Variants in GALNT13 observed in about 807,000 individuals in gnomAD.
GALNT13 encodes the protein UDP-GalNAc:polypeptide N-acetylgalactosaminyltransferase 13.
In GALNT13, 28 loss-of-function variants were observed where a neutral mutation model predicts 64.2. The observed-to-expected ratio is 0.44, with a 90% CI of 0.32 to 0.60. The LOEUF is 0.60. Among genes scored for constraint, GALNT13 ranks in the 20% least tolerant of loss-of-function variants. GALNT13 has a pLI of 0.05. For missense variants in GALNT13, 577 were observed against 669.8 expected, an observed-to-expected ratio of 0.86 and a Z score of 1.53; for synonymous variants, 214 against 224.6, an observed-to-expected ratio of 0.95 and a Z score of 0.42.
the GALNT13 span, among the ~76,000 whole-genome samples, chr2:153,566,309 T>G: frequency 6.6e-6 from 1 of 151,528 alleles, no homozygotes; most frequent in East Asian, 1.9e-4. Context: ...ATTAGATGTT[T>G]GTTGCATGTT....
chr2:153,695,144 T>G, the GALNT13 span, among the ~76,000 whole-genome samples: 684 of 152,280 alleles, frequency 4.5e-3, 6 homozygotes, highest in African/African-American at 0.016. Context: ...TATTGCCTAC[T>G]GGGGAAGCTC....
chr2:153,087,671 T>C, the GALNT13 span, among the ~76,000 whole-genome samples: 24 of 152,086 alleles, frequency 1.6e-4, no homozygotes, highest in African/African-American at 5.3e-4. Context: ...CTGTTCAGTG[T>C]TTTTATTCCT....
intron 4 of GALNT13, among the ~76,000 whole-genome samples, chr2:154,205,340 G>A (rs572449907): frequency 6.6e-6 from 1 of 152,194 alleles, no homozygotes; most frequent in East Asian, 1.9e-4. Flanking sequence ...CTCTAACTGT[G>A]GAACTAGTAG....
chr2:154,013,100 G>A (rs1696756550), intron 3 of GALNT13, among the ~76,000 whole-genome samples: 1 of 148,278 alleles, frequency 6.7e-6, no homozygotes, highest in Non-Finnish European at 1.5e-5. Flanking sequence ...TCTAGTATGG[G>A]CATTTGGAGG....
chr2:153,175,196 T>G, the GALNT13 span, among the ~76,000 whole-genome samples: 1 of 152,200 alleles, frequency 6.6e-6, no homozygotes, highest in Non-Finnish European at 1.5e-5. Flanking sequence ...ATTCCTTTAC[T>G]AAAATAGAGT....
At chr2:153,377,595 CT>C in the GALNT13 span, among the ~76,000 whole-genome samples, 1 of 152,130 alleles carries the variant, frequency 6.6e-6, no homozygotes, top group Non-Finnish European at 1.5e-5. Flanking sequence ...CTCGGCTTGC[CT>C]TTGATGTCTG....
At chr2:153,664,896 C>T in the GALNT13 span, among the ~76,000 whole-genome samples, 1 of 152,118 alleles carries the variant, frequency 6.6e-6, no homozygotes, top group Non-Finnish European at 1.5e-5. Flanking sequence ...TTGCCCTTCC[C>T]AAACTTCTGG....
chr2:153,443,411 G>T, the GALNT13 span, among the ~76,000 whole-genome samples: 24 of 152,236 alleles, frequency 1.6e-4, no homozygotes, highest in African/African-American at 5.3e-4. Flanking sequence ...AGAAGAACCA[G>T]GTACCTCAGT....
chr2:154,179,284 A>G (rs576529460), intron 4 of GALNT13, among the ~76,000 whole-genome samples: 2 of 152,236 alleles, frequency 1.3e-5, no homozygotes, highest in Non-Finnish European at 2.9e-5. Flanking sequence ...TTTTTTGTCT[A>G]TTTTCCTAGC....
At chr2:153,264,036 G>T in the GALNT13 span, among the ~76,000 whole-genome samples, 3 of 152,134 alleles carry the variant, frequency 2.0e-5, no homozygotes, top group African/African-American at 7.2e-5. Flanking sequence ...GAAAATTTTT[G>T]CAATCTATCC....
the GALNT13 span, among the ~76,000 whole-genome samples, chr2:153,410,872 TTTAG>T: frequency 1.0e-4 from 15 of 148,950 alleles, no homozygotes; most frequent in African/African-American, 3.5e-4. Context: ...TAAATATATA[TTTAG>T]AGAGAGAGAG....
the GALNT13 span, among the ~76,000 whole-genome samples, chr2:153,342,919 T>A: frequency 1.3e-5 from 2 of 152,140 alleles, no homozygotes; most frequent in African/African-American, 4.8e-5. Flanking sequence ...TGTGGTTTAA[T>A]AACTATGAAA....
intron 4 of GALNT13, among the ~76,000 whole-genome samples, chr2:154,165,917 GA>G: frequency 6.6e-6 from 1 of 152,284 alleles, no homozygotes; most frequent in African/African-American, 2.4e-5. Flanking sequence ...AGAGAGTATT[GA>G]ACAGAGTCAC....
the GALNT13 span, among the ~76,000 whole-genome samples, chr2:153,437,574 T>C: frequency 1.3e-5 from 2 of 152,194 alleles, no homozygotes; most frequent in Non-Finnish European, 2.9e-5. Flanking sequence ...CCTTTACCAT[T>C]ATGTAATGGC....
the GALNT13 span, among the ~76,000 whole-genome samples, chr2:153,396,626 T>C: frequency 1.3e-5 from 2 of 152,028 alleles, no homozygotes; most frequent in Non-Finnish European, 2.9e-5. Context: ...GCCAGAGACA[T>C]AATTTTGTAC....
intron 3 of GALNT13, among the ~76,000 whole-genome samples, chr2:154,023,293 G>T (rs1366875625): frequency 2.0e-5 from 3 of 152,176 alleles, no homozygotes; most frequent in African/African-American, 7.2e-5. Flanking sequence ...ACAGTGGGGT[G>T]TTAAAGTCTC....
chr2:153,495,217 C>T, the GALNT13 span, among the ~76,000 whole-genome samples: 2 of 152,114 alleles, frequency 1.3e-5, no homozygotes, highest in Middle Eastern at 3.4e-3. Flanking sequence ...TGGTACAATC[C>T]TTTAGAAATC....
chr2:153,830,786 A>G, the GALNT13 span, among the ~76,000 whole-genome samples: 1 of 152,138 alleles, frequency 6.6e-6, no homozygotes, highest in Non-Finnish European at 1.5e-5. Context: ...TTGCTTTAAT[A>G]ACTTTGCTTT....
At chr2:153,343,800 A>G in the GALNT13 span, among the ~76,000 whole-genome samples, 1 of 152,066 alleles carries the variant, frequency 6.6e-6, no homozygotes, top group Admixed American at 6.6e-5. Flanking sequence ...ACCCCTCCCA[A>G]TAAGATTTCT....
Sources: allele counts gnomAD v4.1 joint callset (sites outside exome capture counted in the v4.1 genomes callset), GRCh38; gene constraint gnomAD v4.1.1; transcripts MANE v1.5; gene names NCBI Gene and HGNC (gene_info 2026-07-23, HGNC 2026-07-21).